The following BCAS3 variants were observed in gnomAD, a reference collection of about 807,000 sequenced individuals.
BCAS3 encodes BCAS3 microtubule associated cell migration factor.
A neutral mutation model predicts 116.1 loss-of-function variants in BCAS3; 53 were observed. The ratio of observed to expected loss-of-function variants is 0.46; its 90% confidence interval spans 0.37 to 0.57. The LOEUF (loss-of-function observed/expected upper bound fraction) is 0.57. BCAS3 is among the 20% of genes least tolerant of loss of function. The pLI is 0.00. For synonymous variants in BCAS3, 391 were observed against 408.2 expected (o/e 0.96, Z 0.51); for missense variants, 917 against 1,165.4 (o/e 0.79, Z 3.10).
chr17:61,066,420 G>T (rs1381094231), intron 19 of BCAS3, among the ~76,000 whole-genome samples: 1 of 152,110 alleles, frequency 6.6e-6, no homozygotes, highest in African/African-American at 2.4e-5. Context: ...ACTTTTACAT[G>T]CGTTGGCAGT....
chr17:61,135,455 T>A (rs1474244350), intron 22 of BCAS3, among the ~76,000 whole-genome samples: 1 of 152,204 alleles, frequency 6.6e-6, no homozygotes, highest in Non-Finnish European at 1.5e-5. Context: ...AATGACAAAA[T>A]TTAGGCCCAT....
chr17:60,763,638 G>A (rs1225307844), intron 6 of BCAS3, among the ~76,000 whole-genome samples: 1 of 152,134 alleles, frequency 6.6e-6, no homozygotes, highest in African/African-American at 2.4e-5. Flanking sequence ...GTTCATCAGG[G>A]ATATTGGTCT....
chr17:61,222,231 C>G lies in BCAS3; in HGVS notation c.2425+137667C>G, dbSNP rs913866028. Among the ~76,000 whole-genome samples the G allele has an allele frequency of 2.6e-5, 4 of 152,310 alleles. No individual in the cohort carries two copies. Among genetic ancestry groups the G allele is most frequent in the Admixed American group, 6.5e-5 (1 of 15,302 alleles). On this transcript the variant is annotated intron_variant, in intron 22 of 23. Coordinates refer to ENST00000407086, the MANE Select transcript of BCAS3 (RefSeq NM_017679.5). The surrounding 1 kb of genome is among the most constrained non-coding windows in gnomAD (Gnocchi z 6.1). The stretch of plus-strand genomic sequence containing the variant: ...AGAAATGATAAAAATAAGGACTCAG[C>G]TTAAACCTTTGAAAGAAAGGGCCTC...
intron 9 of BCAS3, among the ~76,000 whole-genome samples, chr17:60,880,501 G>A (rs1204050704): frequency 6.6e-6 from 1 of 152,180 alleles, no homozygotes; most frequent in Non-Finnish European, 1.5e-5. Context: ...TGTGGGCCAG[G>A]ATGGTCTTGA....
rs185116322 is a variant in BCAS3, at chr17:61,049,904, T to C, written c.2029+9012T>C. 1.5e-3 allele frequency among the ~76,000 whole-genome samples: 225 copies of C among 151,832 alleles called. 1 individual carries two copies. The highest frequency in any genetic ancestry group is 4.7e-3 in the African/African-American group (193 of 41,460). On this transcript the variant is annotated intron_variant, in intron 19 of 23. Coordinates refer to ENST00000407086, the MANE Select transcript of BCAS3 (RefSeq NM_017679.5). ...TGCGCCACCACGCCTGGCTAATTTGTTGTATTTTTAGTAGAGACGGGGTTT... is the reference window on the plus strand; with the variant it reads ...TGCGCCACCACGCCTGGCTAATTTGCTGTATTTTTAGTAGAGACGGGGTTT...
chr17:60,868,547 G>T, intron 7 of BCAS3, 29 bp from the exon 8 acceptor site: 1 of 1,406,686 alleles, frequency 7.1e-7, no homozygotes, highest in South Asian at 1.4e-5. Context: ...TTAAAAAAAT[G>T]ACATTTTTCT....
chr17:60,987,589 G>A (rs537271597), intron 14 of BCAS3, among the ~76,000 whole-genome samples: 2 of 151,928 alleles, frequency 1.3e-5, no homozygotes, highest in South Asian at 4.2e-4. Context: ...TTTATTTGTA[G>A]CTATTGTAAG....
intron 22 of BCAS3, among the ~76,000 whole-genome samples, chr17:61,284,315 G>C (rs1295376873): frequency 6.6e-6 from 1 of 152,122 alleles, no homozygotes; most frequent in Non-Finnish European, 1.5e-5. Flanking sequence ...AAATCTTGCT[G>C]CTGCTCACTC....
chr17:60,710,478 C>T (rs1317238556), intron 5 of BCAS3, among the ~76,000 whole-genome samples: 1 of 148,606 alleles, frequency 6.7e-6, no homozygotes, highest in Non-Finnish European at 1.5e-5. Context: ...GTTGCCCAGG[C>T]TGGAGTGCAG....
chr17:61,363,225 T>G lies in BCAS3; in HGVS notation c.2426-5102T>G, dbSNP rs571807619. ...CCCCAAAATTGCCCGCATAATTTTA[T>G]GTATGCAAGCACACATTTTTTGAGT... On this transcript the variant is annotated intron_variant, in intron 22 of 23. Transcript: ENST00000407086. The surrounding 1 kb of genome is among the most constrained non-coding windows in gnomAD (Gnocchi z 4.9). Among the ~76,000 whole-genome samples the G allele has an allele frequency of 6.6e-6, 1 of 152,256 alleles. No individual in the cohort carries two copies. The highest frequency in any genetic ancestry group is 1.5e-5 in the Non-Finnish European group (1 of 68,042).
In BCAS3 at chr17:60,961,901, C is replaced by G. The variant is rs1419301264; in HGVS notation, c.1221+14549C>G. 1.3e-5 allele frequency among the ~76,000 whole-genome samples: 2 copies of G among 152,076 alleles called. No individual in the cohort carries two copies. The highest frequency in any genetic ancestry group is 2.9e-5 in the Non-Finnish European group (2 of 68,020). On this transcript the variant is annotated intron_variant, in intron 14 of 23. Transcript: ENST00000407086. This position sits in a 1 kb window ranked among gnomAD's most constrained non-coding sequence, Gnocchi z 4.8. ...TATGAACTACAAAAGGATCAAAGAT[C>G]CACTTTTGTAGTTCCCACCTAGGAG...
At chr17:61,385,696 G>A (rs79511358) in intron 23 of BCAS3, among the ~76,000 whole-genome samples, 158 of 152,326 alleles carry the variant, frequency 1.0e-3, no homozygotes, top group African/African-American at 3.6e-3. Flanking sequence ...GGGCCACCCC[G>A]GAACCCAGCC....
At chr17:60,977,670 A>T (rs2062503720) in intron 14 of BCAS3, among the ~76,000 whole-genome samples, 1 of 146,172 alleles carries the variant, frequency 6.8e-6, no homozygotes, top group East Asian at 2.0e-4. Flanking sequence ...ACCCCACAAT[A>T]GTCCCCAGAG....
rs2078207379 is a variant in BCAS3, at chr17:61,162,183, T to A, written c.2425+77619T>A. Among the ~76,000 whole-genome samples, 2 of 152,220 alleles carry A rather than the reference T, an allele frequency of 1.3e-5. No individual in the cohort carries two copies. Among genetic ancestry groups the A allele is most frequent in the Admixed American group, 6.5e-5 (1 of 15,284 alleles). On this transcript the variant is annotated intron_variant, in intron 22 of 23. Coordinates refer to ENST00000407086, the MANE Select transcript of BCAS3 (RefSeq NM_017679.5). The surrounding 1 kb of genome is among the most constrained non-coding windows in gnomAD (Gnocchi z 5.6). ...ATTGAAGATATTTTATTGGGAAATATCCTGGGTAAGTAAACAGTGATTGCA... is the reference window on the plus strand; with the variant it reads ...ATTGAAGATATTTTATTGGGAAATAACCTGGGTAAGTAAACAGTGATTGCA...
At chr17:60,837,767 C>T (rs1004684069) in intron 7 of BCAS3, among the ~76,000 whole-genome samples, 3 of 151,492 alleles carry the variant, frequency 2.0e-5, no homozygotes, top group Admixed American at 2.0e-4. Flanking sequence ...GATTCTCCTG[C>T]CTTGGCCTCC....
At chr17:61,269,813 T>A (rs1273880366) in intron 22 of BCAS3, among the ~76,000 whole-genome samples, 1 of 151,870 alleles carries the variant, frequency 6.6e-6, no homozygotes. Flanking sequence ...TTTTTTTTTT[T>A]TTTTAATTAA....
At chr17:61,120,825 G>A (rs1255786110) in intron 22 of BCAS3, among the ~76,000 whole-genome samples, 1 of 151,968 alleles carries the variant, frequency 6.6e-6, no homozygotes, top group African/African-American at 2.4e-5. Context: ...TTAAAATCAT[G>A]TTTCACATAA....
At chr17:61,102,185 A>C (rs1465017634) in intron 22 of BCAS3, among the ~76,000 whole-genome samples, 2 of 152,176 alleles carry the variant, frequency 1.3e-5, no homozygotes. Flanking sequence ...ATGAAAATTA[A>C]CGTAAGCTGA....
intron 7 of BCAS3, among the ~76,000 whole-genome samples, chr17:60,862,569 A>C (rs1439829618): frequency 6.6e-6 from 1 of 152,102 alleles, no homozygotes; most frequent in Non-Finnish European, 1.5e-5. Flanking sequence ...AAATTTATCC[A>C]TCTCTCCTAT....
Sources: allele counts gnomAD v4.1 joint callset (sites outside exome capture counted in the v4.1 genomes callset), GRCh38; gene constraint gnomAD v4.1.1; non-coding constraint Gnocchi (gnomAD v3.1); transcripts MANE v1.5; gene names NCBI Gene and HGNC (gene_info 2026-07-23, HGNC 2026-07-21).